MSH3: variants seen among roughly 807,000 people sequenced by gnomAD.
The protein encoded by MSH3 is DNA mismatch repair protein Msh3.
In MSH3, 106 loss-of-function variants were observed where a neutral mutation model predicts 123.3. That is an observed-to-expected ratio of 0.86 (90% CI 0.73 to 1.01). The LOEUF (loss-of-function observed/expected upper bound fraction) is 1.01. Ranked by LOEUF, MSH3 falls within the 50% of genes least tolerant of loss-of-function variation. The pLI, the probability that MSH3 is intolerant of heterozygous loss-of-function variation, is 0.00. For missense variants in MSH3, 1,459 were observed against 1,347.6 expected, an observed-to-expected ratio of 1.08 and a Z score of -1.29; for synonymous variants, 515 against 481.4, an observed-to-expected ratio of 1.07 and a Z score of -0.91.
chr5:80,835,457 G>A (rs941517992), intron 20 of MSH3, among the ~76,000 whole-genome samples: 3 of 151,666 alleles, frequency 2.0e-5, no homozygotes, highest in East Asian at 1.9e-4. Context: ...TTGAATAAGC[G>A]GAAGGTAAAA....
At chr5:80,683,348 T>A (rs1750015322) in intron 8 of MSH3, among the ~76,000 whole-genome samples, 1 of 152,206 alleles carries the variant, frequency 6.6e-6, no homozygotes, top group Admixed American at 6.5e-5. Context: ...GGTTCCCTTT[T>A]CTCCACATCC....
At chr5:80,662,694 G>A (rs1749462851) in intron 2 of MSH3, among the ~76,000 whole-genome samples, 1 of 151,978 alleles carries the variant, frequency 6.6e-6, no homozygotes, top group South Asian at 2.1e-4. Flanking sequence ...AGATATGGTG[G>A]CACACACCTG....
At chr5:80,869,756 CTA>C (rs927489570) in intron 22 of MSH3, among the ~76,000 whole-genome samples, 41 of 133,710 alleles carry the variant, frequency 3.1e-4, no homozygotes, top group Non-Finnish European at 2.5e-4. Flanking sequence ...ATTGTTACAA[CTA>C]TCTCTTGTGC....
intron 8 of MSH3, among the ~76,000 whole-genome samples, chr5:80,687,917 G>A (rs944865417): frequency 2.6e-5 from 4 of 152,132 alleles, no homozygotes; most frequent in Admixed American, 1.3e-4. Flanking sequence ...CTTAGAGAAT[G>A]CCAATAGTTG....
intron 8 of MSH3, among the ~76,000 whole-genome samples, chr5:80,719,049 ATT>A (rs531631510): frequency 1.4e-5 from 2 of 138,870 alleles, no homozygotes; most frequent in African/African-American, 2.6e-5. Context: ...AGGAAATGGT[ATT>A]TTTTTTTTTT....
intron 2 of MSH3, among the ~76,000 whole-genome samples, chr5:80,663,735 A>G (rs1327540445): frequency 1.3e-5 from 2 of 152,196 alleles, no homozygotes; most frequent in Non-Finnish European, 2.9e-5. Context: ...AGATCTAATG[A>G]AAGCCTGTGA....
Position 80,864,855 on chromosome 5 carries a change from T to A in MSH3, c.3043T>A (p.Cys1015Ser), listed in dbSNP as rs1229168817. The A allele has an allele frequency of 2.5e-6, 4 of 1,613,402 alleles. No homozygotes were observed. The highest frequency in any genetic ancestry group is 3.4e-6 in the Non-Finnish European group (4 of 1,179,480). ...TLFVTHYPPVCELEKNYSHQV... is the reference protein window; with the variant it reads ...TLFVTHYPPVSELEKNYSHQV... ...GTTTGTCACCCATTATCCGCCAGTT[T>A]GTGAACTAGAAAAAAATTACTCACA... is the stretch of plus-strand genomic sequence containing the variant. The change falls in exon 22 of 24, where the codon TGT (cysteine) becomes AGT (serine). Residue 1015 changes from cysteine (C) to serine (S), a missense_variant. Coordinates refer to ENST00000265081, the MANE Select transcript of MSH3 (RefSeq NM_002439.5).
At chr5:80,826,746 ACC>A in intron 20 of MSH3, among the ~76,000 whole-genome samples, 1 of 152,090 alleles carries the variant, frequency 6.6e-6, no homozygotes, top group South Asian at 2.1e-4. Context: ...ACGGAGTTTC[ACC>A]ACATTGGGCA....
intron 20 of MSH3, among the ~76,000 whole-genome samples, chr5:80,825,051 A>T (rs6151894): frequency 2.0e-5 from 3 of 152,234 alleles, no homozygotes; most frequent in Admixed American, 6.5e-5. Context: ...CCATTAAATT[A>T]TATCCCTAGG....
At chr5:80,702,936 C>T (rs527629830) in intron 8 of MSH3, among the ~76,000 whole-genome samples, 7 of 152,248 alleles carry the variant, frequency 4.6e-5, no homozygotes, top group South Asian at 4.1e-4. Flanking sequence ...CACTTGAACC[C>T]GGGTGGCTGA....
rs1169289606 is a variant in MSH3, at chr5:80,813,451, G to T, written c.2656-133G>T. The T allele has an allele frequency of 8.0e-6, 7 of 877,156 alleles. No individual in the cohort carries two copies. In the Admixed American group the frequency reaches 1.0e-4, roughly 13 times the overall value. 54.3% of individuals were successfully genotyped at this position (877,156 alleles called of 1,614,324 possible). ...CACACAGTTCAGGTTGAAGACAGAGGACCGCTTTCCTTTTGTGATATTTAT... is the reference window on the plus strand; with the variant it reads ...CACACAGTTCAGGTTGAAGACAGAGTACCGCTTTCCTTTTGTGATATTTAT... On this transcript the variant is annotated intron_variant, in intron 19 of 23. Coordinates refer to ENST00000265081, the MANE Select transcript of MSH3 (RefSeq NM_002439.5).
chr5:80,713,334 G>T (rs1750893850), intron 8 of MSH3, among the ~76,000 whole-genome samples: 1 of 152,158 alleles, frequency 6.6e-6, no homozygotes, highest in Admixed American at 6.5e-5. Flanking sequence ...AAAGCAATAT[G>T]GTAGGCAACA....
intron 12 of MSH3, among the ~76,000 whole-genome samples, chr5:80,751,212 T>C (rs554693647): frequency 2.6e-4 from 40 of 152,326 alleles, no homozygotes; most frequent in Middle Eastern, 3.4e-3. Flanking sequence ...GGATAAGATA[T>C]CAGTTTGAAA....
intron 10 of MSH3, 50 bp downstream of exon 10, chr5:80,729,015 A>G (rs776017689): frequency 9.5e-7 from 1 of 1,056,534 alleles, no homozygotes; most frequent in Admixed American, 1.7e-5. Context: ...TATTATGAAC[A>G]TTTCTTAAAT....
chr5:80,708,034 A>G (rs958941975), intron 8 of MSH3, among the ~76,000 whole-genome samples: 1 of 152,208 alleles, frequency 6.6e-6, no homozygotes, highest in Non-Finnish European at 1.5e-5. Flanking sequence ...ATACATTCTG[A>G]ATAAAAATCC....
intron 20 of MSH3, among the ~76,000 whole-genome samples, chr5:80,833,406 G>T (rs1745453766): frequency 1.3e-5 from 2 of 152,024 alleles, no homozygotes; most frequent in African/African-American, 4.8e-5. Flanking sequence ...TCTTATAAAT[G>T]ATTGTTGATT....
intron 21 of MSH3, among the ~76,000 whole-genome samples, chr5:80,858,000 A>G (rs917648004): frequency 6.6e-6 from 1 of 151,410 alleles, no homozygotes; most frequent in Non-Finnish European, 1.5e-5. Context: ...TTTTTTTCTA[A>G]TGTGTTCAGT....
At chr5:80,829,842 C>T (rs1401494539) in intron 20 of MSH3, among the ~76,000 whole-genome samples, 2 of 152,138 alleles carry the variant, frequency 1.3e-5, no homozygotes, top group African/African-American at 2.4e-5. Flanking sequence ...TAGAATTCAC[C>T]AGTGAAGCCA....
chr5:80,698,998 C>T (rs549564130), intron 8 of MSH3, among the ~76,000 whole-genome samples: 217 of 151,984 alleles, frequency 1.4e-3, no homozygotes, highest in African/African-American at 4.9e-3. Context: ...AAGAGTGAAA[C>T]GGTGGAGTGA....
Sources: gnomAD v4.1 joint callset for allele counts (sites outside exome capture counted in the v4.1 genomes callset) on GRCh38, gnomAD v4.1.1 for gene constraint, MANE v1.5 for transcripts, NCBI Gene and HGNC (gene_info 2026-07-23, HGNC 2026-07-21) for gene names.